The following STARD9 variants were observed in gnomAD, a reference collection of about 807,000 sequenced individuals.
STARD9 encodes StAR related lipid transfer domain containing 9.
A neutral mutation model predicts 399.8 loss-of-function variants in STARD9; 346 were observed. The observed-to-expected ratio is 0.87, with a 90% CI of 0.79 to 0.95. The LOEUF (loss-of-function observed/expected upper bound fraction) is 0.95, where lower values mean the gene tolerates loss of function less well. Ranked by LOEUF, STARD9 falls within the 40% of genes least tolerant of loss-of-function variation. The pLI, the probability that STARD9 is intolerant of heterozygous loss-of-function variation, is 0.00. For synonymous variants in STARD9, 2,203 were observed against 2,143.5 expected (o/e 1.03, Z -0.77); for missense variants, 5,832 against 5,667.5 (o/e 1.03, Z -0.93).
intron 3 of STARD9, among the ~76,000 whole-genome samples, chr15:42,626,351 T>TTCTTCC (rs759505544): frequency 2.8e-5 from 4 of 140,362 alleles, no homozygotes; most frequent in Non-Finnish European, 4.5e-5. Flanking sequence ...CCTCTTCCTC[T>TTCTTCC]TCTTCCTCTT....
In STARD9 at chr15:42,682,166, G is replaced by C; in HGVS notation, c.2128G>C (p.Asp710His). Residue 710 changes from aspartate to histidine, a missense_variant, in exon 22 of 33, where the codon GAC becomes CAC. Coordinates refer to ENST00000290607, the MANE Select transcript of STARD9 (RefSeq NM_020759.3). ...CAGCTTGCAACAGCAGCAGCAAGAA[G>C]ACCAGGTAGCAGAGAAAGAACTTGA... is the stretch of plus-strand genomic sequence containing the variant. The part of the protein sequence containing the change: ...LASLQQQQQE[D>H]QVAEKELEAS... 6.5e-7 allele frequency: 1 copy of C among 1,537,270 alleles called. No individual in the cohort carries two copies. The highest frequency in any genetic ancestry group is 8.7e-7 in the Non-Finnish European group (1 of 1,146,908).
Position 42,687,318 on chromosome 15 carries a change from G to C in STARD9, c.5740G>C (p.Glu1914Gln). 6.5e-7 allele frequency: 1 copy of C among 1,536,778 alleles called. No individual in the cohort carries two copies. The highest frequency in any genetic ancestry group is 8.7e-7 in the Non-Finnish European group (1 of 1,146,928). ...GAAGTCTCTCCTCTTTCGTGAATCT[G>C]AGGCACGAGAGGAAGAAGAGCTGGA... ...SGKSLLFRES[E>Q]AREEEELDQN... The change falls in exon 23 of 33, where the codon GAG (glutamate) becomes CAG (glutamine). Residue 1914 changes from glutamate to glutamine, a missense_variant. Glu to Gln is a conservative substitution (Grantham distance 29). Transcript: ENST00000290607.
intron 20 of STARD9, among the ~76,000 whole-genome samples, chr15:42,678,000 T>C (rs2060346406): frequency 6.6e-6 from 1 of 152,200 alleles, no homozygotes; most frequent in Non-Finnish European, 1.5e-5. Flanking sequence ...GAATGTGTCC[T>C]TTCATTCAGA....
Position 42,675,672 on chromosome 15 carries a change from A to G in STARD9, c.1696A>G (p.Ile566Val), listed in dbSNP as rs2060295407. The change falls in exon 19 of 33, where the codon ATA (isoleucine) becomes GTA (valine). Residue 566 changes from isoleucine (I) to valine (V), a missense_variant. Around this residue, in one of 2 missense-constraint regions of STARD9, gnomAD observed 5,828 missense variants for 5,651.1 expected, o/e 1.03. Transcript: ENST00000290607. ...TTGTCTCTGTGCTGCAGGAGCTGTC[A>G]TAACCCTGGGGAAGGCACAGAAGTT... The part of the protein sequence containing the change: ...ASCRLTQGAV[I>V]TLGKAQKFRF... The G allele has an allele frequency of 2.0e-6, 3 of 1,537,070 alleles. No individual in the cohort carries two copies. The highest frequency in any genetic ancestry group is 2.6e-6 in the Non-Finnish European group (3 of 1,146,762).
chr15:42,627,726 C>G (rs1171814832), intron 3 of STARD9, among the ~76,000 whole-genome samples: 1 of 152,084 alleles, frequency 6.6e-6, no homozygotes, highest in Non-Finnish European at 1.5e-5. Context: ...GTAATGTGTT[C>G]CAGTTCTATC....
chr15:42,662,159 G>A (rs931075936), intron 10 of STARD9, among the ~76,000 whole-genome samples: 1 of 152,118 alleles, frequency 6.6e-6, no homozygotes, highest in African/African-American at 2.4e-5. Context: ...ATCTTGAAAG[G>A]TTGAGAAGAT....
chr15:42,692,745 A>G lies in STARD9; in HGVS notation c.11167A>G (p.Met3723Val), dbSNP rs1390521532. Residue 3723 changes from methionine to valine, a missense_variant, in exon 23 of 33, where the codon ATG becomes GTG. Physicochemically the swap from Met to Val is conservative, Grantham distance 21. Around this residue, in one of 2 missense-constraint regions of STARD9, gnomAD observed 5,828 missense variants for 5,651.1 expected, o/e 1.03. Transcript: ENST00000290607. ...DIPDKAPQAL[M>V]MDGSTQTTVD... Reference sequence around the variant, plus strand: ...CCCAGATAAAGCCCCACAGGCCCTGATGATGGATGGCTCTACTCAGACCAC... The same window carrying G: ...CCCAGATAAAGCCCCACAGGCCCTGGTGATGGATGGCTCTACTCAGACCAC... 1 of 1,537,112 alleles carries G rather than the reference A, an allele frequency of 6.5e-7. No homozygotes were observed. The highest frequency in any genetic ancestry group is 8.7e-7 in the Non-Finnish European group (1 of 1,146,900).
intron 9 of STARD9, among the ~76,000 whole-genome samples, chr15:42,660,673 T>G (rs1257942355): frequency 2.6e-5 from 4 of 151,408 alleles, no homozygotes; most frequent in African/African-American, 9.7e-5. Flanking sequence ...GCAGAGTAGT[T>G]TCTTCTTGGG....
chr15:42,606,414 C>T (rs17767270), intron 3 of STARD9, among the ~76,000 whole-genome samples: 20,523 of 152,194 alleles, frequency 0.13, 1,509 homozygotes, highest in Non-Finnish European at 0.15. Flanking sequence ...TTTCAAGCCT[C>T]TCTATTGGCC....
At chr15:42,634,782 G>A in intron 3 of STARD9, 74 bp from the exon 4 acceptor site, 1 of 653,152 alleles carries the variant, frequency 1.5e-6, no homozygotes, top group African/African-American at 1.8e-5. Flanking sequence ...TATTTTTTTA[G>A]ATTAGAAAAT....
chr15:42,611,121 C>CTTTTGCCA (rs2058840161), intron 3 of STARD9, among the ~76,000 whole-genome samples: 1 of 152,172 alleles, frequency 6.6e-6, no homozygotes, highest in Non-Finnish European at 1.5e-5. Flanking sequence ...TTTTGCCCTA[C>CTTTTGCCA]AGCAGGGCTT....
intron 3 of STARD9, among the ~76,000 whole-genome samples, chr15:42,607,479 A>C (rs1191917138): frequency 1.3e-5 from 2 of 151,924 alleles, no homozygotes; most frequent in South Asian, 2.1e-4. Context: ...CTGGGATGAC[A>C]GGTGTGAGCC....
At chr15:42,595,335 A>C (rs2058481349) in intron 3 of STARD9, among the ~76,000 whole-genome samples, 1 of 152,194 alleles carries the variant, frequency 6.6e-6, no homozygotes, top group Admixed American at 6.5e-5. Context: ...TCATACAACC[A>C]AGTGATGGAC....
chr15:42,582,221 C>T (rs1240107213), intron 1 of STARD9, among the ~76,000 whole-genome samples: 1 of 152,136 alleles, frequency 6.6e-6, no homozygotes, highest in Non-Finnish European at 1.5e-5. Flanking sequence ...AGGTCATAGC[C>T]TGGGAAGCCT....
Position 42,688,783 on chromosome 15 carries a change from A to G in STARD9, c.7205A>G (p.Glu2402Gly). Residue 2402 changes from glutamate (E) to glycine (G), a missense_variant, in exon 23 of 33, where the codon GAG becomes GGG. Physicochemically the swap from Glu to Gly is moderately conservative, Grantham distance 98. Around this residue, in one of 2 missense-constraint regions of STARD9, gnomAD observed 5,828 missense variants for 5,651.1 expected, o/e 1.03. Coordinates refer to ENST00000290607, the MANE Select transcript of STARD9 (RefSeq NM_020759.3). ...GGAAATGTTAGAGGGCGTTCCTCTG[A>G]GGCACACACTGCCTGGTGTGGGTCT... is the stretch of plus-strand genomic sequence containing the variant. ...PEGNVRGRSS[E>G]AHTAWCGSVR... The G allele has an allele frequency of 6.5e-7, 1 of 1,537,558 alleles. No homozygotes were observed. Among genetic ancestry groups the G allele is most frequent in the Non-Finnish European group, 8.7e-7 (1 of 1,146,994 alleles).
chr15:42,705,168 C>A (rs545657563), intron 26 of STARD9, among the ~76,000 whole-genome samples: 2 of 152,198 alleles, frequency 1.3e-5, no homozygotes, highest in South Asian at 4.1e-4. Context: ...ACTAACCTCT[C>A]CTTCTGCCAT....
intron 1 of STARD9, among the ~76,000 whole-genome samples, chr15:42,576,368 T>A (rs909899388): frequency 6.6e-6 from 1 of 152,190 alleles, no homozygotes; most frequent in Non-Finnish European, 1.5e-5. Context: ...CTTATTTTGA[T>A]TCCGCACCTC....
intron 32 of STARD9, 40 bp from the exon 33 acceptor site, chr15:42,719,433 A>G (rs1448427449): frequency 1.5e-6 from 2 of 1,362,832 alleles, no homozygotes; most frequent in South Asian, 1.2e-5. Flanking sequence ...CATTCTCTCA[A>G]ATCTATTTGC....
chr15:42,576,288 A>G (rs1467482073), intron 1 of STARD9, among the ~76,000 whole-genome samples: 1 of 152,152 alleles, frequency 6.6e-6, no homozygotes, highest in Non-Finnish European at 1.5e-5. Context: ...CCAGGACGGA[A>G]CTGTTAAGTA....
Sources: allele counts gnomAD v4.1 joint callset (sites outside exome capture counted in the v4.1 genomes callset), GRCh38; gene constraint gnomAD v4.1.1; regional missense constraint gnomAD v4.1.1; transcripts MANE v1.5; gene names NCBI Gene and HGNC (gene_info 2026-07-23, HGNC 2026-07-21).